BCAS3: variants seen among roughly 807,000 people sequenced by gnomAD.
The protein encoded by BCAS3 is BCAS3 microtubule associated cell migration factor.
A neutral mutation model predicts 116.1 loss-of-function variants in BCAS3; 53 were observed. The ratio of observed to expected loss-of-function variants is 0.46; its 90% confidence interval spans 0.37 to 0.57. The LOEUF (loss-of-function observed/expected upper bound fraction) is 0.57. Ranked by LOEUF, BCAS3 falls within the 20% of genes least tolerant of loss-of-function variation. The pLI, the probability that BCAS3 is intolerant of heterozygous loss-of-function variation, is 0.00. For missense variants in BCAS3, 917 were observed against 1,165.4 expected, an observed-to-expected ratio of 0.79 and a Z score of 3.10; for synonymous variants, 391 against 408.2, an observed-to-expected ratio of 0.96 and a Z score of 0.51.
intron 14 of BCAS3, among the ~76,000 whole-genome samples, chr17:60,948,544 T>C (rs11079405): frequency 0.013 from 1,990 of 152,312 alleles, 35 homozygotes; most frequent in East Asian, 0.076. Context: ...ACACTGTATA[T>C]ATGTTATTCT....
chr17:60,724,033 T>C (rs1167730724), intron 5 of BCAS3, among the ~76,000 whole-genome samples: 2 of 152,010 alleles, frequency 1.3e-5, no homozygotes, highest in Admixed American at 6.6e-5. Context: ...TTTTTCACTT[T>C]CTTAAAATTT....
chr17:60,800,233 A>G (rs1168894707), intron 6 of BCAS3, among the ~76,000 whole-genome samples: 1 of 152,182 alleles, frequency 6.6e-6, no homozygotes, highest in Non-Finnish European at 1.5e-5. Flanking sequence ...TCCACTAGCA[A>G]TGTATGAGAC....
intron 22 of BCAS3, among the ~76,000 whole-genome samples, chr17:61,308,989 C>G (rs886107118): frequency 3.9e-5 from 6 of 152,156 alleles, no homozygotes; most frequent in Non-Finnish European, 7.4e-5. Flanking sequence ...TCTCCTCTCT[C>G]CAGCCATGTG....
chr17:60,727,376 C>G (rs1028352009), intron 5 of BCAS3: 2 of 1,575,862 alleles, frequency 1.3e-6, no homozygotes, highest in Admixed American at 1.7e-5. Context: ...GCGCCTCTTT[C>G]CCTGGGCATA....
intron 22 of BCAS3, among the ~76,000 whole-genome samples, chr17:61,201,396 C>T (rs971497475): frequency 6.6e-6 from 1 of 152,236 alleles, no homozygotes; most frequent in Non-Finnish European, 1.5e-5. Flanking sequence ...GGAAACCATC[C>T]ATTGCCACTG....
Position 61,235,589 on chromosome 17 carries a change from C to A in BCAS3, c.2426-132738C>A, listed in dbSNP as rs1427447321. ...TCCTGAGCCTTTAGTGGATGCTGAG[C>A]TGGAGACCCCCGTTAGTGCTACCTC... On this transcript the variant is annotated intron_variant, in intron 22 of 23. Coordinates refer to ENST00000407086, the MANE Select transcript of BCAS3 (RefSeq NM_017679.5). The surrounding 1 kb of genome is among the most constrained non-coding windows in gnomAD (Gnocchi z 5.0). 8.6e-5 allele frequency among the ~76,000 whole-genome samples: 13 copies of A among 151,928 alleles called. No individual in the cohort carries two copies. Among genetic ancestry groups the A allele is most frequent in the Admixed American group, 4.6e-4 (7 of 15,246 alleles).
intron 6 of BCAS3, among the ~76,000 whole-genome samples, chr17:60,774,327 CAG>C (rs1325419866): frequency 1.3e-5 from 2 of 152,190 alleles, no homozygotes; most frequent in South Asian, 2.1e-4. Context: ...TGTGCAGAGA[CAG>C]AGATCTTCCA....
chr17:61,348,067 G>A lies in BCAS3; in HGVS notation c.2426-20260G>A, dbSNP rs1046077846. 6.6e-6 allele frequency among the ~76,000 whole-genome samples: 1 copy of A among 152,202 alleles called. No individual in the cohort carries two copies. Among genetic ancestry groups the A allele is most frequent in the African/African-American group, 2.4e-5 (1 of 41,442 alleles). On this transcript the variant is annotated intron_variant, in intron 22 of 23. Transcript: ENST00000407086. The surrounding 1 kb of genome is among the most constrained non-coding windows in gnomAD (Gnocchi z 4.5). ...TTGAAGGGAAGCCACATTAATAGGC[G>A]GAAAGACCAGTTTAAAGATTGCTAG...
At chr17:60,718,800 G>A (rs555345041) in intron 5 of BCAS3, among the ~76,000 whole-genome samples, 5 of 152,024 alleles carry the variant, frequency 3.3e-5, no homozygotes, top group Admixed American at 2.0e-4. Flanking sequence ...TGTGGCTCAC[G>A]CCTGTAATCT....
At position 61,163,390 on chromosome 17, in the gene BCAS3, T is replaced by C. The variant is rs138307950; in HGVS notation, c.2425+78826T>C. 3.8e-3 allele frequency among the ~76,000 whole-genome samples: 574 copies of C among 151,626 alleles called. 17 individuals carry two copies. The East Asian group carries it at 0.084, about 22-fold the overall frequency. On this transcript the variant is annotated intron_variant, in intron 22 of 23. Transcript: ENST00000407086. Reference sequence around the variant, plus strand: ...AGTGAGCCGAGATCACGCCACTGCATTCCAGCCTGGGCGACAGAGCGAGAC... The same window carrying C: ...AGTGAGCCGAGATCACGCCACTGCACTCCAGCCTGGGCGACAGAGCGAGAC...
chr17:61,044,129 G>C (rs1437018551), intron 19 of BCAS3, among the ~76,000 whole-genome samples: 6 of 151,820 alleles, frequency 4.0e-5, no homozygotes, highest in Non-Finnish European at 7.4e-5. Flanking sequence ...GAAGTTTACT[G>C]ATGTTTTTGA....
chr17:60,764,386 G>T (rs927706611), intron 6 of BCAS3, among the ~76,000 whole-genome samples: 1 of 152,130 alleles, frequency 6.6e-6, no homozygotes, highest in African/African-American at 2.4e-5. Context: ...AGAGATTCTT[G>T]TATGTTGTGT....
At chr17:60,729,924 C>T (rs1014552043) in intron 5 of BCAS3, among the ~76,000 whole-genome samples, 1 of 152,218 alleles carries the variant, frequency 6.6e-6, no homozygotes, top group Non-Finnish European at 1.5e-5. Context: ...TGAACACCTT[C>T]TCGTCTGCCT....
intron 15 of BCAS3, among the ~76,000 whole-genome samples, chr17:61,011,816 G>A (rs769294170): frequency 6.6e-6 from 1 of 152,010 alleles, no homozygotes; most frequent in Non-Finnish European, 1.5e-5. Flanking sequence ...TTAACAATAG[G>A]TCCTGGAAGA....
At chr17:60,699,953 G>A (rs964406814) in intron 4 of BCAS3, among the ~76,000 whole-genome samples, 3 of 151,830 alleles carry the variant, frequency 2.0e-5, no homozygotes, top group Admixed American at 6.6e-5. Context: ...GTGGAGGACT[G>A]TTTGAGGTCA....
chr17:60,932,677 G>T (rs1031209360), intron 13 of BCAS3, among the ~76,000 whole-genome samples: 1 of 145,764 alleles, frequency 6.9e-6, no homozygotes, highest in Non-Finnish European at 1.5e-5. Flanking sequence ...GGGAGGCGGA[G>T]CTTGCAGTGA....
intron 23 of BCAS3, chr17:61,383,011 C>T (rs2059679258): frequency 1.3e-5 from 2 of 152,386 alleles, no homozygotes; most frequent in African/African-American, 4.8e-5. Flanking sequence ...AAGTGGCAAA[C>T]AGTCCTGAGA....
intron 14 of BCAS3, among the ~76,000 whole-genome samples, chr17:60,980,301 C>T (rs139893091): frequency 1.3e-5 from 2 of 152,190 alleles, no homozygotes; most frequent in East Asian, 1.9e-4. Flanking sequence ...CAAAACTTAT[C>T]ATCTTTTTTT....
At chr17:60,770,935 C>T (rs2044639408) in intron 6 of BCAS3, among the ~76,000 whole-genome samples, 2 of 147,910 alleles carry the variant, frequency 1.4e-5, no homozygotes, top group Non-Finnish European at 1.5e-5. Flanking sequence ...ACAACCTCAG[C>T]CTCCCAAGTA....
Sources: gnomAD v4.1 joint callset for allele counts (sites outside exome capture counted in the v4.1 genomes callset) on GRCh38, gnomAD v4.1.1 for gene constraint, Gnocchi (gnomAD v3.1) non-coding constraint, MANE v1.5 for transcripts, NCBI Gene and HGNC (gene_info 2026-07-23, HGNC 2026-07-21) for gene names.